The following CTNNA3 variants were observed in gnomAD, a reference collection of about 807,000 sequenced individuals.
The protein encoded by CTNNA3 is catenin alpha 3.
A neutral mutation model predicts 95.7 loss-of-function variants in CTNNA3; 76 were observed. The observed-to-expected ratio is 0.79, with a 90% CI of 0.66 to 0.96. The LOEUF (loss-of-function observed/expected upper bound fraction) is 0.96. Ranked by LOEUF, CTNNA3 falls within the 40% of genes least tolerant of loss-of-function variation. CTNNA3 has a pLI of 0.00. For synonymous variants in CTNNA3, 431 were observed against 374.4 expected (o/e 1.15, Z -1.74); for missense variants, 1,191 against 1,089.8 (o/e 1.09, Z -1.31).
intron 13 of CTNNA3, among the ~76,000 whole-genome samples, chr10:66,276,640 T>C (rs540436662): frequency 1.2e-4 from 18 of 152,232 alleles, no homozygotes; most frequent in African/African-American, 2.9e-4. Context: ...TATTTAAACA[T>C]TGCCTTATAA....
intron 1 of CTNNA3, among the ~76,000 whole-genome samples, chr10:67,754,954 T>C (rs1841425224): frequency 1.3e-5 from 2 of 152,054 alleles, no homozygotes; most frequent in South Asian, 2.1e-4. Context: ...TCTCAGCACT[T>C]AGGGAGGCTG....
Position 65,914,538 on chromosome 10 carries a change from T to G in CTNNA3, c.*5792A>C, listed in dbSNP as rs987328812. 1.3e-5 allele frequency: 2 copies of G among 152,174 alleles called. No homozygotes were observed. The highest frequency in any genetic ancestry group is 6.5e-5 in the Admixed American group (1 of 15,278). The allele number at this position is 152,174 out of a possible 1,614,324, so 9.4% of individuals were successfully genotyped here. Reference sequence around the variant, plus strand: ...TGTGACCTCCATAAAGAAGGAAAGATGTATTTGCTACAGTTTGGGTAAATT... The same window carrying G: ...TGTGACCTCCATAAAGAAGGAAAGAGGTATTTGCTACAGTTTGGGTAAATT... On this transcript the variant is annotated 3_prime_UTR_variant, in exon 18 of 18. Transcript: ENST00000433211.
chr10:67,700,081 G>A (rs965249097), upstream of CTNNA3, among the ~76,000 whole-genome samples: 9 of 152,244 alleles, frequency 5.9e-5, no homozygotes, highest in Non-Finnish European at 1.0e-4. Context: ...AGGGGCGCCC[G>A]CCATTGCCCA....
At chr10:67,116,793 T>G (rs1859213945) in intron 7 of CTNNA3, among the ~76,000 whole-genome samples, 2 of 149,610 alleles carry the variant, frequency 1.3e-5, no homozygotes, top group Admixed American at 1.3e-4. Flanking sequence ...TAAGTAGATC[T>G]ATGAGATAAG....
chr10:66,609,459 T>A (rs934398613), intron 10 of CTNNA3, among the ~76,000 whole-genome samples: 1 of 150,748 alleles, frequency 6.6e-6, no homozygotes, highest in Non-Finnish European at 1.5e-5. Flanking sequence ...CATGAACACT[T>A]TTCTAAAGAA....
intron 17 of CTNNA3, among the ~76,000 whole-genome samples, chr10:65,924,077 A>C (rs867770459): frequency 4.6e-5 from 7 of 152,292 alleles, no homozygotes; most frequent in African/African-American, 1.4e-4. Context: ...AATAATCCTA[A>C]TATTTAGCTA....
chr10:67,233,838 T>C (rs1348498021), intron 5 of CTNNA3, among the ~76,000 whole-genome samples: 1 of 152,148 alleles, frequency 6.6e-6, no homozygotes, highest in Non-Finnish European at 1.5e-5. Flanking sequence ...ATATCATCAC[T>C]GATCCCACAG....
At chr10:67,279,817 C>G (rs1054150375) in intron 5 of CTNNA3, among the ~76,000 whole-genome samples, 1 of 150,102 alleles carries the variant, frequency 6.7e-6, no homozygotes, top group Non-Finnish European at 1.5e-5. Flanking sequence ...AGGCTTTTGA[C>G]TCAGTGCTCT....
At chr10:67,359,950 A>G (rs1454142568) in intron 5 of CTNNA3, among the ~76,000 whole-genome samples, 1 of 152,104 alleles carries the variant, frequency 6.6e-6, no homozygotes, top group Non-Finnish European at 1.5e-5. Context: ...GGTAGCTAGA[A>G]AAAAGGGTCA....
At chr10:66,165,174 C>T (rs1278235985) in intron 13 of CTNNA3, among the ~76,000 whole-genome samples, 3 of 152,030 alleles carry the variant, frequency 2.0e-5, no homozygotes, top group African/African-American at 4.8e-5. Flanking sequence ...AACAGAAAAC[C>T]AAATATCACA....
chr10:67,345,797 C>T (rs558594552), intron 5 of CTNNA3, among the ~76,000 whole-genome samples: 14 of 152,038 alleles, frequency 9.2e-5, no homozygotes, highest in Non-Finnish European at 1.5e-4. Context: ...CAATGTCTTT[C>T]GATTGGAGAG....
chr10:65,959,452 A>G (rs1459662705), intron 17 of CTNNA3, among the ~76,000 whole-genome samples: 1 of 151,990 alleles, frequency 6.6e-6, no homozygotes, highest in African/African-American at 2.4e-5. Flanking sequence ...TGCAGAAATC[A>G]CCCATCTTCT....
chr10:66,835,894 G>A (rs985796090), intron 7 of CTNNA3, among the ~76,000 whole-genome samples: 9 of 152,056 alleles, frequency 5.9e-5, no homozygotes, highest in Admixed American at 1.3e-4. Flanking sequence ...GTAGGCTAGC[G>A]GGTGGGGCCA....
intron 10 of CTNNA3, among the ~76,000 whole-genome samples, chr10:66,560,923 T>C (rs1466399725): frequency 1.3e-5 from 2 of 151,970 alleles, no homozygotes; most frequent in Non-Finnish European, 2.9e-5. Flanking sequence ...TGTAAACCAG[T>C]AAGTGGACCC....
intron 11 of CTNNA3, among the ~76,000 whole-genome samples, chr10:66,396,001 T>C (rs1398857473): frequency 1.3e-5 from 2 of 151,964 alleles, no homozygotes; most frequent in Non-Finnish European, 2.9e-5. Context: ...ATGTACCCAT[T>C]GTTTAGTTCC....
At chr10:66,188,591 G>GTC (rs35787570) in intron 13 of CTNNA3, among the ~76,000 whole-genome samples, 9 of 107,060 alleles carry the variant, frequency 8.4e-5, no homozygotes, top group South Asian at 2.7e-4. Context: ...GGGAGGGGGG[G>GTC]TCTCTGTGTG....
chr10:66,358,109 A>T (rs529386700), intron 12 of CTNNA3, among the ~76,000 whole-genome samples: 3 of 152,198 alleles, frequency 2.0e-5, no homozygotes, highest in Non-Finnish European at 4.4e-5. Context: ...TTCATTCTTG[A>T]TATTAATAAT....
chr10:66,955,850 T>C (rs372266255), intron 7 of CTNNA3, among the ~76,000 whole-genome samples: 2 of 152,276 alleles, frequency 1.3e-5, no homozygotes, highest in South Asian at 4.1e-4. Flanking sequence ...TTGGAGCCCA[T>C]TGTGTCTCAC....
At chr10:66,567,750 T>C (rs1033071246) in intron 10 of CTNNA3, among the ~76,000 whole-genome samples, 1 of 152,182 alleles carries the variant, frequency 6.6e-6, no homozygotes, top group Non-Finnish European at 1.5e-5. Flanking sequence ...ACATCCCCCT[T>C]TCAGGTCATT....
Sources: gnomAD v4.1 joint callset for allele counts (sites outside exome capture counted in the v4.1 genomes callset) on GRCh38, gnomAD v4.1.1 for gene constraint, MANE v1.5 for transcripts, NCBI Gene and HGNC (gene_info 2026-07-23, HGNC 2026-07-21) for gene names.